Variants in ANKK1 observed in about 807,000 individuals in gnomAD.
The protein encoded by ANKK1 is ankyrin repeat and kinase domain containing 1.
Under a neutral mutation model 37.6 loss-of-function variants are expected in ANKK1, and 37 were observed. The observed-to-expected ratio is 0.98, with a 90% CI of 0.76 to 1.29. The LOEUF is 1.29. Among genes scored for constraint, ANKK1 ranks in the 50% most tolerant of loss-of-function variants. The pLI is 0.00. For missense variants in ANKK1, 1,019 were observed against 990.6 expected (o/e 1.03, Z -0.39); for synonymous variants, 415 against 418.7 (o/e 0.99, Z 0.11).
intron 1 of ANKK1, among the ~76,000 whole-genome samples, chr11:113,391,835 A>G (rs1407318478): frequency 2.0e-5 from 3 of 152,278 alleles, no homozygotes; most frequent in South Asian, 4.1e-4. Flanking sequence ...GTAACAGGAT[A>G]TGAGCCTGCA....
At chr11:113,391,676 G>A (rs1443342115) in intron 1 of ANKK1, among the ~76,000 whole-genome samples, 2 of 152,148 alleles carry the variant, frequency 1.3e-5, no homozygotes, top group East Asian at 1.9e-4. Flanking sequence ...GAAAACTAAA[G>A]GAAGAGCAGG....
chr11:113,400,254 A>C lies in ANKK1; in HGVS notation c.2285A>C (p.Glu762Ala). The change falls in exon 8 of 8, where the codon GAG (glutamate) becomes GCG (alanine). Residue 762 changes from glutamate (E) to alanine (A), a missense_variant. Physicochemically the swap from Glu to Ala is moderately radical, Grantham distance 107. Coordinates refer to ENST00000303941, the MANE Select transcript of ANKK1 (RefSeq NM_178510.2). ...CTGGGTGGTTCTAAGCCAGGAGCCG[A>C]GATGGAAATTTAGACAACTTGGCCA... ...ATLGGSKPGA[E>A]MEI The C allele has an allele frequency of 6.5e-7, 1 of 1,539,130 alleles. No individual in the cohort carries two copies. Among genetic ancestry groups the C allele is most frequent in the Non-Finnish European group, 8.8e-7 (1 of 1,139,238 alleles).
chr11:113,397,087 C>T (rs1011709483), intron 5 of ANKK1, 137 bp from the exon 6 acceptor site: 3 of 708,208 alleles, frequency 4.2e-6, no homozygotes, highest in Admixed American at 2.9e-5. Flanking sequence ...TTCCTGCCTT[C>T]TCGTGCATTT....
Position 113,396,188 on chromosome 11 carries a change from G to T in ANKK1, c.804G>T (p.Trp268Cys). The change falls in exon 5 of 8, where the codon TGG becomes TGT. Residue 268 changes from tryptophan to cysteine, a missense_variant. Trp to Cys is a radical substitution (Grantham distance 215, BLOSUM62 -2). Coordinates refer to ENST00000303941, the MANE Select transcript of ANKK1 (RefSeq NM_178510.2). ...TGGTGGACCTGATGAAACGCTGCTG[G>T]GACCAGGACCCCAAGAAGAGGCCAT... ...QQMVDLMKRC[W>C]DQDPKKRPCF... 1 of 1,613,964 alleles carries T rather than the reference G, an allele frequency of 6.2e-7. No homozygotes were observed. Among genetic ancestry groups the T allele is most frequent in the Non-Finnish European group, 8.5e-7 (1 of 1,179,886 alleles).
chr11:113,398,262 G>A (rs998214597), intron 7 of ANKK1, among the ~76,000 whole-genome samples: 2 of 149,936 alleles, frequency 1.3e-5, no homozygotes, highest in African/African-American at 4.9e-5. Context: ...TGACCTGAAA[G>A]GTGGAGCATT....
chr11:113,389,973 G>A (rs926309934), intron 1 of ANKK1, among the ~76,000 whole-genome samples: 2 of 152,194 alleles, frequency 1.3e-5, no homozygotes, highest in African/African-American at 2.4e-5. Flanking sequence ...GATGAGAGAC[G>A]GATAATAGGG....
chr11:113,399,020 C>T lies in ANKK1; in HGVS notation c.1051C>T (p.Pro351Ser), dbSNP rs186633697. The T allele has an allele frequency of 1.1e-4, 184 of 1,600,978 alleles. 1 individual carries two copies. The African/African-American group carries it at 2.2e-3, about 19-fold the overall frequency. Reference sequence around the variant, plus strand: ...GCTCTCCGACCGTAAGAATTTGGTCCCGAGAGATGAGGAACTGTGTATCTA... The same window carrying T: ...GCTCTCCGACCGTAAGAATTTGGTCTCGAGAGATGAGGAACTGTGTATCTA... ...LQLSDRKNLV[P>S]RDEELCIYEN... Residue 351 changes from proline (P) to serine (S), a missense_variant, in exon 8 of 8, where the codon CCG (proline) becomes TCG (serine). Pro to Ser is a moderately conservative substitution (Grantham distance 74). Transcript: ENST00000303941.
At chr11:113,395,114 C>G (rs1219837411) in intron 3 of ANKK1, 34 bp downstream of exon 3, 1 of 1,570,484 alleles carries the variant, frequency 6.4e-7, no homozygotes, top group Non-Finnish European at 8.7e-7. Context: ...GCCACACACC[C>G]AGCAGGCAGT....
In ANKK1 at chr11:113,395,346, T is replaced by C; in HGVS notation, c.633-13T>C. ...CAACTAAGTCATTCAGAAAGGGTTC[T>C]CTGCATCCACAGCTTTGCAATTGTC... is the stretch of plus-strand genomic sequence containing the variant. On this transcript the variant is annotated splice_polypyrimidine_tract_variant and intron_variant, in intron 3 of 7. Coordinates refer to ENST00000303941, the MANE Select transcript of ANKK1 (RefSeq NM_178510.2). 1 of 1,613,914 alleles carries C rather than the reference T, an allele frequency of 6.2e-7. No homozygotes were observed. Among genetic ancestry groups the C allele is most frequent in the Non-Finnish European group, 8.5e-7 (1 of 1,179,838 alleles).
At position 113,400,012 on chromosome 11, in the gene ANKK1, T is replaced by G; in HGVS notation, c.2043T>G (p.His681Gln). The change falls in exon 8 of 8, where the codon CAT becomes CAG. Residue 681 changes from histidine to glutamine, a missense_variant. By Grantham distance (24) the His-to-Gln change is conservative (BLOSUM62 0). Coordinates refer to ENST00000303941, the MANE Select transcript of ANKK1 (RefSeq NM_178510.2). ...TGAGTGTCATCAACCTCCTAGAACA[T>G]CACGCAAATGTCCACGCCCGCAACA... Reference protein sequence around the residue: ...TFLSVINLLEHHANVHARNKV... With the variant: ...TFLSVINLLEQHANVHARNKV... 3 of 1,613,450 alleles carry G rather than the reference T, an allele frequency of 1.9e-6. No homozygotes were observed. Among genetic ancestry groups the G allele is most frequent in the Non-Finnish European group, 2.5e-6 (3 of 1,179,828 alleles).
At chr11:113,389,118 G>A (rs1950569479) in intron 1 of ANKK1, among the ~76,000 whole-genome samples, 1 of 152,126 alleles carries the variant, frequency 6.6e-6, no homozygotes, top group African/African-American at 2.4e-5. Context: ...ACATCTGCCT[G>A]TTGGTTTTGG....
chr11:113,389,688 TA>T (rs1326754779), intron 1 of ANKK1, among the ~76,000 whole-genome samples: 1 of 152,120 alleles, frequency 6.6e-6, no homozygotes. Context: ...AGAATGAGTA[TA>T]AGTTAAGTAG....
At chr11:113,396,374 C>T (rs1186606490) in intron 5 of ANKK1, among the ~76,000 whole-genome samples, 152 bp downstream of exon 5, 1 of 147,968 alleles carries the variant, frequency 6.8e-6, no homozygotes, top group Non-Finnish European at 1.5e-5. Flanking sequence ...GACACGGTCT[C>T]TCTGGTCCAG....
chr11:113,399,660 T>C lies in ANKK1; in HGVS notation c.1691T>C (p.Leu564Pro). The C allele has an allele frequency of 1.2e-6, 2 of 1,601,458 alleles. No individual in the cohort carries two copies. Among genetic ancestry groups the C allele is most frequent in the Non-Finnish European group, 1.7e-6 (2 of 1,174,262 alleles). ...CTTGACCAGAGCGGCTACGGCCCAC[T>C]GCACACTGCAGCTGCCAGGGGCAAA... ...DALDQSGYGPLHTAAARGKYL... is the reference protein window; with the variant it reads ...DALDQSGYGPPHTAAARGKYL... The change falls in exon 8 of 8, where the codon CTG (leucine) becomes CCG (proline). Residue 564 changes from leucine to proline, a missense_variant. Coordinates refer to ENST00000303941, the MANE Select transcript of ANKK1 (RefSeq NM_178510.2).
At position 113,399,185 on chromosome 11, in the gene ANKK1, C is replaced by G. The variant is rs200699123; in HGVS notation, c.1216C>G (p.Gln406Glu). The stretch of plus-strand genomic sequence containing the variant: ...GCCCCTCCTGATCGCCGCCCAGGAC[C>G]AGCAACCCGACCTCTGTGCCCTGCT... The part of the protein sequence containing the change: ...YTPLLIAAQD[Q>E]QPDLCALLLA... The change falls in exon 8 of 8, where the codon CAG becomes GAG. Residue 406 changes from glutamine to glutamate, a missense_variant. Transcript: ENST00000303941. 1.5e-4 allele frequency: 238 copies of G among 1,600,964 alleles called. No homozygotes were observed. The highest frequency in any genetic ancestry group is 9.4e-6 in the Non-Finnish European group (11 of 1,174,148).
At chr11:113,396,559 C>A (rs1453264191) in intron 5 of ANKK1, among the ~76,000 whole-genome samples, 3 of 152,000 alleles carry the variant, frequency 2.0e-5, no homozygotes, top group Non-Finnish European at 4.4e-5. Context: ...AGGCTGTTCT[C>A]AAACTCCTGG....
rs770459701 is a variant in ANKK1, at chr11:113,399,852, C to T, written c.1883C>T (p.Thr628Ile). The stretch of plus-strand genomic sequence containing the variant: ...GGTGCTCTTGGAGCTGTGAACTGGA[C>T]TCCCCTGCACCTAGCTGCACGCCAC... ...NMGALGAVNW[T>I]PLHLAARHGE... is the part of the protein sequence containing the mutation. The change falls in exon 8 of 8, where the codon ACT (threonine) becomes ATT (isoleucine). Residue 628 changes from threonine to isoleucine, a missense_variant. Thr to Ile is a moderately conservative substitution (Grantham distance 89, BLOSUM62 -1). Coordinates refer to ENST00000303941, the MANE Select transcript of ANKK1 (RefSeq NM_178510.2). 6.2e-7 allele frequency: 1 copy of T among 1,611,736 alleles called. No homozygotes were observed. The highest frequency in any genetic ancestry group is 1.1e-5 in the South Asian group (1 of 90,834).
chr11:113,393,797 C>A, intron 2 of ANKK1, 22 bp downstream of exon 2: 1 of 1,570,566 alleles, frequency 6.4e-7, no homozygotes, highest in Non-Finnish European at 8.6e-7. Flanking sequence ...GGCCAATCCT[C>A]CGCTCCCTTT....
chr11:113,395,113 C>A, intron 3 of ANKK1, 33 bp downstream of exon 3: 1 of 1,571,654 alleles, frequency 6.4e-7, no homozygotes. Context: ...TGCCACACAC[C>A]CAGCAGGCAG....
Sources: gnomAD v4.1 joint callset for allele counts (sites outside exome capture counted in the v4.1 genomes callset) on GRCh38, gnomAD v4.1.1 for gene constraint, MANE v1.5 for transcripts, NCBI Gene and HGNC (gene_info 2026-07-23, HGNC 2026-07-21) for gene names.